DSCAM: variants seen among roughly 807,000 people sequenced by gnomAD.
DSCAM encodes DS cell adhesion molecule.
DSCAM carries 47 observed loss-of-function variants against 217.7 expected under a neutral mutation model. The ratio of observed to expected loss-of-function variants is 0.22; its 90% confidence interval spans 0.17 to 0.28. The LOEUF (loss-of-function observed/expected upper bound fraction) is 0.28. Among genes scored for constraint, DSCAM ranks in the 10% least tolerant of loss-of-function variants. DSCAM has a pLI of 1.00. For synonymous variants in DSCAM, 1,056 were observed against 1,015.3 expected (o/e 1.04, Z -0.76); for missense variants, 2,080 against 2,618.3 (o/e 0.79, Z 4.49).
intron 8 of DSCAM, among the ~76,000 whole-genome samples, chr21:40,314,344 C>A (rs971462725): frequency 6.6e-6 from 1 of 152,174 alleles, no homozygotes; most frequent in African/African-American, 2.4e-5. Flanking sequence ...AAGGTACCGA[C>A]AAGCATACTC....
chr21:40,512,339 C>A (rs983280186), intron 3 of DSCAM, among the ~76,000 whole-genome samples: 56 of 152,142 alleles, frequency 3.7e-4, no homozygotes, highest in African/African-American at 1.3e-3. Context: ...ACTGGGGATA[C>A]AACAGCAAGG....
At chr21:40,668,396 T>C (rs1003433418) in intron 3 of DSCAM, among the ~76,000 whole-genome samples, 6 of 152,116 alleles carry the variant, frequency 3.9e-5, no homozygotes, top group African/African-American at 1.4e-4. Context: ...ACTTGGAAAG[T>C]TTTTCAAAAT....
At chr21:40,647,032 A>G (rs1228655894) in intron 3 of DSCAM, among the ~76,000 whole-genome samples, 1 of 152,264 alleles carries the variant, frequency 6.6e-6, no homozygotes, top group African/African-American at 2.4e-5. Context: ...GGGATTTTGA[A>G]GGAGGAAAAA....
At chr21:40,758,910 A>T (rs2091302778) in intron 1 of DSCAM, among the ~76,000 whole-genome samples, 1 of 152,090 alleles carries the variant, frequency 6.6e-6, no homozygotes. Flanking sequence ...GATGTTAAGG[A>T]TGACTTTTGA....
Position 40,623,704 on chromosome 21 carries a change from A to G in DSCAM, c.508+69106T>C, listed in dbSNP as rs1334097916. Reference sequence around the variant, plus strand: ...TTGAAAGAAAGGCCTCTACAAATTCAAAGAGGGAGCTTTTCATTGATTTTT... The same window carrying G: ...TTGAAAGAAAGGCCTCTACAAATTCGAAGAGGGAGCTTTTCATTGATTTTT... On this transcript the variant is annotated intron_variant, in intron 3 of 32. Coordinates refer to ENST00000400454, the MANE Select transcript of DSCAM (RefSeq NM_001389.5). Among the ~76,000 whole-genome samples, 4 of 152,220 alleles carry G rather than the reference A, an allele frequency of 2.6e-5. No individual in the cohort carries two copies. In the South Asian group the frequency reaches 8.3e-4, roughly 32 times the overall value.
intron 16 of DSCAM, among the ~76,000 whole-genome samples, chr21:40,153,719 G>T (rs930792628): frequency 2.0e-5 from 3 of 152,160 alleles, no homozygotes; most frequent in African/African-American, 7.2e-5. Context: ...ATAAACTCTG[G>T]GGGTGGAGCC....
At chr21:40,154,700 G>A (rs2090458707) in intron 16 of DSCAM, among the ~76,000 whole-genome samples, 1 of 152,198 alleles carries the variant, frequency 6.6e-6, no homozygotes, top group Non-Finnish European at 1.5e-5. Flanking sequence ...GCTAGGAAAG[G>A]ATGAGATGTC....
At chr21:40,268,159 T>C (rs112262463) in intron 11 of DSCAM, among the ~76,000 whole-genome samples, 1 of 152,156 alleles carries the variant, frequency 6.6e-6, no homozygotes, top group African/African-American at 2.4e-5. Flanking sequence ...CTGCCAGGCA[T>C]TATGTTATAT....
At chr21:40,667,979 C>G (rs111985662) in intron 3 of DSCAM, among the ~76,000 whole-genome samples, 4 of 152,136 alleles carry the variant, frequency 2.6e-5, no homozygotes, top group Admixed American at 2.6e-4. Context: ...CTTATTTCCC[C>G]AGTACCTTCC....
intron 32 of DSCAM, among the ~76,000 whole-genome samples, chr21:40,028,432 G>C (rs1452831050): frequency 1.3e-5 from 2 of 151,524 alleles, no homozygotes; most frequent in Non-Finnish European, 3.0e-5. Context: ...GCAATGGCGG[G>C]CCCCCCTCCC....
In DSCAM at chr21:40,756,695, G is replaced by C. The variant is rs985906731; in HGVS notation, c.44-47924C>G. Among the ~76,000 whole-genome samples the C allele has an allele frequency of 2.0e-5, 3 of 152,014 alleles. No homozygotes were observed. In the East Asian group the frequency reaches 5.8e-4, roughly 29 times the overall value. On this transcript the variant is annotated intron_variant, in intron 1 of 32. Coordinates refer to ENST00000400454, the MANE Select transcript of DSCAM (RefSeq NM_001389.5). ...GCATGAGCCACCACGCGCAGCCCAGGCATTTCTTTATGGCAATGCAAGAAT... is the reference window on the plus strand; with the variant it reads ...GCATGAGCCACCACGCGCAGCCCAGCCATTTCTTTATGGCAATGCAAGAAT...
chr21:40,642,854 A>G (rs1281471652), intron 3 of DSCAM, among the ~76,000 whole-genome samples: 3 of 152,104 alleles, frequency 2.0e-5, no homozygotes, highest in African/African-American at 7.2e-5. Context: ...CCTCTCAAAG[A>G]TTACAGCCTC....
intron 3 of DSCAM, among the ~76,000 whole-genome samples, chr21:40,572,094 GT>G (rs2076812053): frequency 1.4e-5 from 2 of 141,336 alleles, no homozygotes; most frequent in Admixed American, 7.1e-5. Context: ...GGGTGTGTGT[GT>G]GTGTGTGTGT....
chr21:40,378,135 G>A (rs2074981426), intron 3 of DSCAM, among the ~76,000 whole-genome samples: 3 of 152,108 alleles, frequency 2.0e-5, no homozygotes, highest in Admixed American at 2.0e-4. Flanking sequence ...AAATGAAGAG[G>A]CATATCCAAA....
At chr21:40,768,456 C>G (rs375636693) in intron 1 of DSCAM, among the ~76,000 whole-genome samples, 1 of 152,202 alleles carries the variant, frequency 6.6e-6, no homozygotes, top group East Asian at 1.9e-4. Context: ...CCAACAATTA[C>G]AGCTTGTCTT....
In DSCAM at chr21:40,050,487, C is replaced by CTT. The variant is rs34197777; in HGVS notation, c.5185+1469_5185+1470dup. Among the ~76,000 whole-genome samples the CTT allele has an allele frequency of 1.0e-3, 153 of 146,834 alleles. 2 individuals are homozygous for CTT. The East Asian group carries it at 0.011, about 11-fold the overall frequency. ...TGAAGAGATGTCAAAGCCCTTGAATCTTTTTTTTTTTTGGAGACAGAGTCT... is the reference window on the plus strand; with the variant it reads ...TGAAGAGATGTCAAAGCCCTTGAATCTTTTTTTTTTTTTTGGAGACAGAGTCT... On this transcript the variant is annotated intron_variant, in intron 30 of 32. Coordinates refer to ENST00000400454, the MANE Select transcript of DSCAM (RefSeq NM_001389.5).
chr21:40,611,394 C>T (rs73368943), intron 3 of DSCAM, among the ~76,000 whole-genome samples: 3,758 of 152,094 alleles, frequency 0.025, 122 homozygotes, highest in East Asian at 0.093. Flanking sequence ...GGTAACACAG[C>T]GTATCAAAAC....
intron 1 of DSCAM, among the ~76,000 whole-genome samples, chr21:40,710,180 G>GT (rs1252423668): frequency 5.5e-5 from 8 of 145,174 alleles, no homozygotes; most frequent in East Asian, 4.2e-4. Context: ...TTTTTGATGG[G>GT]GTTTTTTTTC....
intron 1 of DSCAM, among the ~76,000 whole-genome samples, chr21:40,757,172 C>T (rs2091285142): frequency 1.3e-5 from 2 of 152,002 alleles, no homozygotes; most frequent in African/African-American, 4.8e-5. Flanking sequence ...TACAGGTGCC[C>T]ACCACCAAGC....
Sources: allele counts gnomAD v4.1 joint callset (sites outside exome capture counted in the v4.1 genomes callset), GRCh38; gene constraint gnomAD v4.1.1; transcripts MANE v1.5; gene names NCBI Gene and HGNC (gene_info 2026-07-23, HGNC 2026-07-21).